ENOX1: variants seen among roughly 807,000 people sequenced by gnomAD.
ENOX1 encodes the protein ecto-NOX disulfide-thiol exchanger 1.
Under a neutral mutation model 82.5 loss-of-function variants are expected in ENOX1, and 42 were observed. The observed-to-expected ratio is 0.51, with a 90% CI of 0.40 to 0.66. The LOEUF (loss-of-function observed/expected upper bound fraction) is 0.66. Among genes scored for constraint, ENOX1 ranks in the 30% least tolerant of loss-of-function variants. ENOX1 has a pLI of 0.00. For synonymous variants in ENOX1, 271 were observed against 282.2 expected, an observed-to-expected ratio of 0.96 and a Z score of 0.40; for missense variants, 608 against 811.6, an observed-to-expected ratio of 0.75 and a Z score of 3.05.
intron 2 of ENOX1, among the ~76,000 whole-genome samples, chr13:43,608,832 G>T (rs2082080215): frequency 6.6e-6 from 1 of 152,180 alleles, no homozygotes; most frequent in South Asian, 2.1e-4. Context: ...AACAGCTGAA[G>T]ACCTTTCCTG....
intron 2 of ENOX1, among the ~76,000 whole-genome samples, chr13:43,650,249 C>G (rs1249589153): frequency 6.6e-6 from 1 of 152,114 alleles, no homozygotes; most frequent in Admixed American, 6.6e-5. Context: ...AATAAAGGGC[C>G]AGATAGTAAA....
intron 14 of ENOX1, among the ~76,000 whole-genome samples, chr13:43,237,448 T>C (rs369627107): frequency 1.3e-5 from 2 of 152,282 alleles, no homozygotes; most frequent in East Asian, 3.9e-4. Context: ...TAATGGAAAG[T>C]CAAATTAATG....
chr13:43,714,698 T>G lies in ENOX1; in HGVS notation c.-284-47154A>C, dbSNP rs2087987076. Reference sequence around the variant, plus strand: ...CTTCTTTGTCTCTTTTGATCTTTGTTGGTTTAAAGTCTGTTTTATCCGAGA... The same window carrying G: ...CTTCTTTGTCTCTTTTGATCTTTGTGGGTTTAAAGTCTGTTTTATCCGAGA... On this transcript the variant is annotated intron_variant, in intron 1 of 16. Transcript: ENST00000690772. Among the ~76,000 whole-genome samples, 3 of 152,332 alleles carry G rather than the reference T, an allele frequency of 2.0e-5. No individual in the cohort carries two copies. In the South Asian group the frequency reaches 6.2e-4, roughly 32 times the overall value.
chr13:43,411,900 C>G lies in ENOX1; in HGVS notation c.208+16G>C. On this transcript the variant is annotated intron_variant, in intron 5 of 16. Transcript: ENST00000690772. Reference sequence around the variant, plus strand: ...GGCACTGCTGCAAGCATCTCTGAAACCAGGAGAAAGCTTACCAGACACGAG... The same window carrying G: ...GGCACTGCTGCAAGCATCTCTGAAAGCAGGAGAAAGCTTACCAGACACGAG... 6.2e-7 allele frequency: 1 copy of G among 1,613,914 alleles called. No homozygotes were observed. The highest frequency in any genetic ancestry group is 1.7e-4 in the Middle Eastern group (1 of 6,052).
At chr13:43,244,405 G>A (rs1001227214) in intron 14 of ENOX1, among the ~76,000 whole-genome samples, 8 of 151,712 alleles carry the variant, frequency 5.3e-5, no homozygotes, top group Non-Finnish European at 1.0e-4. Context: ...TTCTGTATAA[G>A]ACTTTGACTA....
At chr13:43,654,802 C>A (rs2084354481) in intron 2 of ENOX1, among the ~76,000 whole-genome samples, 1 of 152,152 alleles carries the variant, frequency 6.6e-6, no homozygotes, top group Non-Finnish European at 1.5e-5. Context: ...ATTCTGAATT[C>A]TCTGTGGTTC....
At chr13:43,252,577 A>G (rs2043519179) in intron 14 of ENOX1, among the ~76,000 whole-genome samples, 1 of 152,252 alleles carries the variant, frequency 6.6e-6, no homozygotes, top group South Asian at 2.1e-4. Context: ...CCTTTGGGCA[A>G]CAGCTTTCCT....
intron 12 of ENOX1, among the ~76,000 whole-genome samples, chr13:43,279,635 T>C (rs570500309): frequency 2.0e-3 from 303 of 152,346 alleles, no homozygotes; most frequent in African/African-American, 7.0e-3. Context: ...CAGTGGGATA[T>C]TGTATGACTA....
chr13:43,450,651 T>C (rs2056916876), intron 3 of ENOX1, among the ~76,000 whole-genome samples: 1 of 152,124 alleles, frequency 6.6e-6, no homozygotes, highest in Non-Finnish European at 1.5e-5. Context: ...GGACGGTTCC[T>C]AGTTATGCAG....
intron 1 of ENOX1, among the ~76,000 whole-genome samples, chr13:43,756,645 T>C (rs1278991350): frequency 6.6e-6 from 1 of 152,114 alleles, no homozygotes; most frequent in Non-Finnish European, 1.5e-5. Context: ...TCTCAGCAGG[T>C]ATCTTATTCC....
chr13:43,389,691 G>T (rs982148325), intron 5 of ENOX1, among the ~76,000 whole-genome samples: 2 of 152,222 alleles, frequency 1.3e-5, no homozygotes, highest in African/African-American at 4.8e-5. Context: ...GAAGGTCAAA[G>T]AGGTAAAGGA....
chr13:43,284,975 C>T (rs900292948), intron 12 of ENOX1, among the ~76,000 whole-genome samples: 10 of 151,960 alleles, frequency 6.6e-5, no homozygotes, highest in African/African-American at 2.2e-4. Flanking sequence ...ACAGAAAGTA[C>T]AAAAACCAGA....
chr13:43,455,112 A>G (rs1026169334), intron 3 of ENOX1, among the ~76,000 whole-genome samples: 1 of 152,200 alleles, frequency 6.6e-6, no homozygotes, highest in Non-Finnish European at 1.5e-5. Context: ...GCTTCCTGAG[A>G]AAAGGTACAT....
rs150906630 is a variant in ENOX1 at position 43,262,558 on chromosome 13, G to A, written c.1611+2840C>T. On this transcript the variant is annotated intron_variant, in intron 14 of 16. Transcript: ENST00000690772. Reference sequence around the variant, plus strand: ...TTGTTATTTGTTGAGACAGGGTCTCGCTCTGTCACCTACGTTGGAGTGCAG... The same window carrying A: ...TTGTTATTTGTTGAGACAGGGTCTCACTCTGTCACCTACGTTGGAGTGCAG... Among the ~76,000 whole-genome samples, 19 of 152,230 alleles carry A rather than the reference G, an allele frequency of 1.2e-4. No homozygotes were observed. The East Asian group carries it at 3.7e-3, about 29-fold the overall frequency.
chr13:43,379,373 T>C (rs930714458), intron 5 of ENOX1, among the ~76,000 whole-genome samples: 5 of 152,054 alleles, frequency 3.3e-5, no homozygotes, highest in Admixed American at 6.6e-5. Flanking sequence ...AACACATAGA[T>C]GACAGAATTC....
chr13:43,584,738 C>T (rs1251724726), intron 2 of ENOX1, among the ~76,000 whole-genome samples: 2 of 152,234 alleles, frequency 1.3e-5, no homozygotes, highest in South Asian at 2.1e-4. Context: ...TCAAAGAAGT[C>T]GACATCACCA....
intron 14 of ENOX1, among the ~76,000 whole-genome samples, chr13:43,253,544 G>T (rs2043578027): frequency 6.6e-6 from 1 of 152,190 alleles, no homozygotes; most frequent in Admixed American, 6.5e-5. Flanking sequence ...GCACTGGCTG[G>T]TGCATTTCAC....
intron 1 of ENOX1, among the ~76,000 whole-genome samples, chr13:43,739,609 T>G (rs1382584685): frequency 1.3e-5 from 2 of 151,118 alleles, no homozygotes; most frequent in African/African-American, 4.9e-5. Context: ...TATATAAACG[T>G]GTGTGGGAGT....
At chr13:43,624,910 A>C (rs756976388) in intron 2 of ENOX1, among the ~76,000 whole-genome samples, 1 of 152,094 alleles carries the variant, frequency 6.6e-6, no homozygotes, top group Non-Finnish European at 1.5e-5. Flanking sequence ...AATTTTGTTG[A>C]CATCCTCAAA....
Sources: allele counts gnomAD v4.1 joint callset (sites outside exome capture counted in the v4.1 genomes callset), GRCh38; gene constraint gnomAD v4.1.1; transcripts MANE v1.5; gene names NCBI Gene and HGNC (gene_info 2026-07-23, HGNC 2026-07-21).